The following KIF1A variants were observed in gnomAD, a reference collection of about 807,000 sequenced individuals.
KIF1A encodes kinesin-like protein KIF1A.
Under a neutral mutation model 227.3 loss-of-function variants are expected in KIF1A, and 46 were observed. The observed-to-expected ratio is 0.20, with a 90% CI of 0.16 to 0.26. The LOEUF (loss-of-function observed/expected upper bound fraction) is 0.26. KIF1A is among the 10% of genes least tolerant of loss of function. KIF1A has a pLI of 1.00. For synonymous variants in KIF1A, 1,022 were observed against 1,012.8 expected, an observed-to-expected ratio of 1.01 and a Z score of -0.17; for missense variants, 1,683 against 2,485.9, an observed-to-expected ratio of 0.68 and a Z score of 6.87.
intron 6 of KIF1A, among the ~76,000 whole-genome samples, chr2:240,786,055 C>G (rs2054705713): frequency 1.3e-5 from 2 of 152,168 alleles, no homozygotes; most frequent in Admixed American, 1.3e-4. Flanking sequence ...AAGCAGCAGC[C>G]ACAGATGCTG....
chr2:240,738,269 T>C (rs1376423974), intron 37 of KIF1A, among the ~76,000 whole-genome samples: 4 of 152,126 alleles, frequency 2.6e-5, no homozygotes, highest in Non-Finnish European at 5.9e-5. Flanking sequence ...CTGGACAGAG[T>C]GCCAGGGGTT....
chr2:240,779,971 A>C (rs573881051), intron 10 of KIF1A, among the ~76,000 whole-genome samples: 1 of 152,126 alleles, frequency 6.6e-6, no homozygotes, highest in East Asian at 1.9e-4. Flanking sequence ...AGGTCCACAC[A>C]GCCCCGTTGC....
rs772020379 is a variant in KIF1A, at chr2:240,775,807, G to C, written c.958+44C>G. On this transcript the variant is annotated intron_variant, in intron 11 of 48. Coordinates refer to ENST00000498729, the MANE Select transcript of KIF1A (RefSeq NM_001244008.2). This position sits in a 1 kb window ranked among gnomAD's most constrained non-coding sequence, Gnocchi z 5.5. ...GTGGGGAAGAAGGGCACAGCCCAGG[G>C]TGGGATCAGAGCCCTGGGGACAGGC... 34 of 1,308,250 alleles carry C rather than the reference G, an allele frequency of 2.6e-5. 1 individual carries two copies. The highest frequency in any genetic ancestry group is 3.8e-5 in the Non-Finnish European group (34 of 900,830). The allele number at this position is 1,308,250 out of a possible 1,614,324, so 81.0% of individuals were successfully genotyped here.
intron 4 of KIF1A, 84 bp downstream of exon 4, chr2:240,787,967 A>T: frequency 1.5e-6 from 2 of 1,328,970 alleles, no homozygotes; most frequent in Non-Finnish European, 2.1e-6. Context: ...GGCTGCTCTC[A>T]GGGGTGCCTG....
At position 240,725,506 on chromosome 2, in the gene KIF1A, G is replaced by A. The variant is rs2045907923; in HGVS notation, c.4123-102C>T. On this transcript the variant is annotated intron_variant, in intron 39 of 48. Transcript: ENST00000498729. This position sits in a 1 kb window ranked among gnomAD's most constrained non-coding sequence, Gnocchi z 5.8. ...GCACAATGCCCAGCACCGACAGGCA[G>A]CCCCAGGGCCTTCCCAGGGCCTCAG... 7.6e-7 allele frequency: 1 copy of A among 1,313,270 alleles called. No homozygotes were observed. Among genetic ancestry groups the A allele is most frequent in the Non-Finnish European group, 1.0e-6 (1 of 952,468 alleles). 81.4% of individuals were successfully genotyped at this position (1,313,270 alleles called of 1,614,324 possible).
intron 1 of KIF1A, among the ~76,000 whole-genome samples, chr2:240,811,687 G>A (rs1017940092): frequency 2.0e-5 from 3 of 152,160 alleles, no homozygotes; most frequent in Non-Finnish European, 4.4e-5. Context: ...GGTCCTGTGG[G>A]GTGAGGTCAC....
Position 240,746,986 on chromosome 2 carries a change from C to T in KIF1A, c.3063+250G>A, listed in dbSNP as rs893813985. On this transcript the variant is annotated intron_variant, in intron 29 of 48. Transcript: ENST00000498729. ...AGGCTCGTGTTGTCCACCTGCTCTG[C>T]GCCCCGACTTGGACCCTGGAGCGGC... Among the ~76,000 whole-genome samples the T allele has an allele frequency of 2.0e-4, 31 of 152,274 alleles. No homozygotes were observed. The East Asian group carries it at 5.6e-3, about 28-fold the overall frequency.
At position 240,722,566 on chromosome 2, in the gene KIF1A, C is replaced by T. The variant is rs769965899; in HGVS notation, c.4555G>A (p.Glu1519Lys). Residue 1519 changes from glutamate to lysine, a missense_variant, in exon 43 of 49, where the codon GAG becomes AAG. This residue lies in a region of KIF1A where 384 missense variants were observed against 410.1 expected (regional missense o/e 0.94). Coordinates refer to ENST00000498729, the MANE Select transcript of KIF1A (RefSeq NM_001244008.2). The stretch of plus-strand genomic sequence containing the variant: ...GAGGAGCCATGGGACTCAGAGTCCT[C>T]GCTGAAGGCCGGGGACAGTGCCTCC... ...VPEALSPAFSEDSESHGSSSA... is the reference protein window; with the variant it reads ...VPEALSPAFSKDSESHGSSSA... 7.7e-6 allele frequency: 12 copies of T among 1,554,570 alleles called. No individual in the cohort carries two copies. Among genetic ancestry groups the T allele is most frequent in the African/African-American group, 1.4e-5 (1 of 73,398 alleles).
chr2:240,730,969 C>A lies in KIF1A; in HGVS notation c.4008-4029G>T, dbSNP rs1175286871. Reference sequence around the variant, plus strand: ...GTCAGTACTGGCCCCACCCTCCAAGCCCCCTGAGGGCAGCTGCAGGCTCCC... The same window carrying A: ...GTCAGTACTGGCCCCACCCTCCAAGACCCCTGAGGGCAGCTGCAGGCTCCC... On this transcript the variant is annotated intron_variant, in intron 38 of 48. Coordinates refer to ENST00000498729, the MANE Select transcript of KIF1A (RefSeq NM_001244008.2). Among the ~76,000 whole-genome samples, 4 of 152,338 alleles carry A rather than the reference C, an allele frequency of 2.6e-5. No homozygotes were observed. The East Asian group carries it at 7.7e-4, about 29-fold the overall frequency.
chr2:240,773,096 G>A lies in KIF1A; in HGVS notation c.1180+18C>T. 1 of 1,602,262 alleles carries A rather than the reference G, an allele frequency of 6.2e-7. No homozygotes were observed. The highest frequency in any genetic ancestry group is 8.5e-7 in the Non-Finnish European group (1 of 1,174,288). On this transcript the variant is annotated intron_variant, in intron 13 of 48. Coordinates refer to ENST00000498729, the MANE Select transcript of KIF1A (RefSeq NM_001244008.2). ...GGCCCCACAACCCTGTCCAGGACAG[G>A]CTGGAGCAGGCACTCACTGTCAGTG... is the stretch of plus-strand genomic sequence containing the variant.
Position 240,716,715 on chromosome 2 carries a change from C to G in KIF1A, c.*649G>C, listed in dbSNP as rs1251675688. 1 of 152,400 alleles carries G rather than the reference C, an allele frequency of 6.6e-6. No individual in the cohort carries two copies. The highest frequency in any genetic ancestry group is 1.5e-5 in the Non-Finnish European group (1 of 68,124). 9.4% of individuals were successfully genotyped at this position (152,400 alleles called of 1,614,324 possible). A position where few individuals can be genotyped will look rare whatever the true frequency, so the allele number is the denominator to read the frequency against. On this transcript the variant is annotated 3_prime_UTR_variant, in exon 49 of 49. Coordinates refer to ENST00000498729, the MANE Select transcript of KIF1A (RefSeq NM_001244008.2). ...CGCAGACTTCAGGCACCAAAGACAC[C>G]CCCCCACTCTCCCACACATACACCC...
Position 240,720,859 on chromosome 2 carries a change from G to T in KIF1A, c.4868+55C>A. ...TCTCTGTGCCCGAGTCACGGCCATG[G>T]TCATGGGTCAGCCGTGGTGCCAGAA... is the stretch of plus-strand genomic sequence containing the variant. On this transcript the variant is annotated intron_variant, in intron 45 of 48. Coordinates refer to ENST00000498729, the MANE Select transcript of KIF1A (RefSeq NM_001244008.2). The T allele has an allele frequency of 3.3e-6, 5 of 1,498,564 alleles. No individual in the cohort carries two copies. The South Asian group carries it at 6.5e-5, about 19-fold the overall frequency. The allele number at this position is 1,498,564 out of a possible 1,614,324, so 92.8% of individuals were successfully genotyped here.
chr2:240,734,144 C>G (rs1233092767), intron 38 of KIF1A, among the ~76,000 whole-genome samples: 1 of 152,258 alleles, frequency 6.6e-6, no homozygotes, highest in Non-Finnish European at 1.5e-5. Flanking sequence ...CGCTGTCCCT[C>G]CTCCTGGCCT....
At position 240,780,770 on chromosome 2, in the gene KIF1A, CCACACACACACA is replaced by C. The variant is rs113684618; in HGVS notation, c.882+1808_882+1819del. 1.3e-4 allele frequency among the ~76,000 whole-genome samples: 9 copies of C among 71,394 alleles called. No homozygotes were observed. In the East Asian group the frequency reaches 1.5e-3, roughly 12 times the overall value. 46.8% of individuals were successfully genotyped at this position (71,394 alleles called of 152,430 possible). ...TTCTCTGCAGGCTCCCCACACAGCT[CCACACACACACA>C]CACACACACACAGCTCCACACACAC... On this transcript the variant is annotated intron_variant, in intron 10 of 48. Coordinates refer to ENST00000498729, the MANE Select transcript of KIF1A (RefSeq NM_001244008.2).
In KIF1A at chr2:240,778,870, C is replaced by T. The variant is rs2053136110; in HGVS notation, c.883-2944G>A. Among the ~76,000 whole-genome samples the T allele has an allele frequency of 6.6e-6, 1 of 152,116 alleles. No homozygotes were observed. ...CTCACACGTTCCTCACACAACCCTT[C>T]ACGCCATCCCCAATGCGGGTGCACA... On this transcript the variant is annotated intron_variant, in intron 10 of 48. Transcript: ENST00000498729. The surrounding 1 kb of genome is among the most constrained non-coding windows in gnomAD (Gnocchi z 7.2).
At chr2:240,786,130 G>A (rs2054720619) in intron 6 of KIF1A, among the ~76,000 whole-genome samples, 1 of 152,224 alleles carries the variant, frequency 6.6e-6, no homozygotes, top group East Asian at 1.9e-4. Context: ...CCCCATGGAG[G>A]TGACAGTGTC....
chr2:240,760,139 C>T (rs1349957942), intron 25 of KIF1A, among the ~76,000 whole-genome samples: 1 of 152,222 alleles, frequency 6.6e-6, no homozygotes, highest in Non-Finnish European at 1.5e-5. Flanking sequence ...ACAGCCCAGG[C>T]TTCCTCCTCA....
chr2:240,775,935 G>A lies in KIF1A; in HGVS notation c.883-9C>T. ...TTCTTCTTTTTCTTGTTCTGTGGGG[G>A]AGGAACATTCAAGGTCAAGCCCGAG... On this transcript the variant is annotated splice_polypyrimidine_tract_variant and intron_variant, in intron 10 of 48. Transcript: ENST00000498729. The surrounding 1 kb of genome is among the most constrained non-coding windows in gnomAD (Gnocchi z 5.5). The A allele has an allele frequency of 6.3e-7, 1 of 1,594,656 alleles. No individual in the cohort carries two copies. Among genetic ancestry groups the A allele is most frequent in the Non-Finnish European group, 8.6e-7 (1 of 1,162,214 alleles).
In KIF1A at chr2:240,774,249, C is replaced by A; in HGVS notation, c.971G>T (p.Arg324Met). 1 of 1,611,000 alleles carries A rather than the reference C, an allele frequency of 6.2e-7. No individual in the cohort carries two copies. The highest frequency in any genetic ancestry group is 8.5e-7 in the Non-Finnish European group (1 of 1,177,722). The change falls in exon 12 of 49, where the codon AGG (arginine) becomes ATG (methionine). Residue 324 changes from arginine to methionine, a missense_variant. Around this residue, in one of 12 missense-constraint regions of KIF1A, gnomAD observed 15 missense variants for 78.3 expected, o/e 0.19. Coordinates refer to ENST00000498729, the MANE Select transcript of KIF1A (RefSeq NM_001244008.2). Reference protein sequence around the residue: ...LLRENLGGNSRTAMVAALSPA... With the variant: ...LLRENLGGNSMTAMVAALSPA... ...ACTCAAGGCTGCCACCATAGCTGTC[C>A]TTGAGTTACCGCCTGTGGGAAGAAG...
Sources: allele counts gnomAD v4.1 joint callset (sites outside exome capture counted in the v4.1 genomes callset), GRCh38; gene constraint gnomAD v4.1.1; regional missense constraint gnomAD v4.1.1; non-coding constraint Gnocchi (gnomAD v3.1); transcripts MANE v1.5; gene names NCBI Gene and HGNC (gene_info 2026-07-23, HGNC 2026-07-21).